Variants in APBB2 observed in about 807,000 individuals in gnomAD.
The protein encoded by APBB2 is Fe65-like 1.
APBB2 carries 38 observed loss-of-function variants against 82.5 expected under a neutral mutation model. The ratio of observed to expected loss-of-function variants is 0.46; its 90% confidence interval spans 0.36 to 0.60. The LOEUF is 0.60. APBB2 is among the 20% of genes least tolerant of loss of function. APBB2 has a pLI of 0.00. For missense variants in APBB2, 772 were observed against 972.3 expected (o/e 0.79, Z 2.74); for synonymous variants, 341 against 368.2 (o/e 0.93, Z 0.85).
intron 12 of APBB2, among the ~76,000 whole-genome samples, chr4:40,882,350 T>G (rs1260296803): frequency 6.6e-6 from 1 of 152,076 alleles, no homozygotes; most frequent in African/African-American, 2.4e-5. Flanking sequence ...GAAGAGACAT[T>G]GTTGGCTGCT....
chr4:40,878,253 A>G (rs1767429522), intron 12 of APBB2, among the ~76,000 whole-genome samples: 1 of 152,168 alleles, frequency 6.6e-6, no homozygotes, highest in East Asian at 1.9e-4. Flanking sequence ...AGGCTGAGGC[A>G]TGAGAATCAC....
At chr4:40,893,187 T>C (rs1560814504) in intron 11 of APBB2, 78 bp downstream of exon 11, 1 of 1,551,076 alleles carries the variant, frequency 6.4e-7, no homozygotes, top group Middle Eastern at 1.7e-4. Flanking sequence ...CAGTACCATG[T>C]GTCACTGAGC....
intron 1 of APBB2, among the ~76,000 whole-genome samples, chr4:41,180,895 T>TC (rs998279740): frequency 2.0e-4 from 30 of 152,154 alleles, no homozygotes; most frequent in African/African-American, 7.2e-4. Flanking sequence ...CTTCCTTTTT[T>TC]CCCTCTGTGA....
intron 7 of APBB2, among the ~76,000 whole-genome samples, chr4:40,939,767 G>A (rs139487649): frequency 1.7e-4 from 26 of 152,128 alleles, no homozygotes; most frequent in East Asian, 1.4e-3. Context: ...GCTAAATTTT[G>A]TATTTTTAGT....
intron 16 of APBB2, chr4:40,822,293 A>AT: frequency 2.1e-6 from 1 of 485,994 alleles, no homozygotes; most frequent in South Asian, 2.6e-5. Context: ...TGTGGGTCCC[A>AT]TTCTCCATTA....
At chr4:40,985,645 C>G (rs1178954780) in intron 6 of APBB2, among the ~76,000 whole-genome samples, 2 of 152,090 alleles carry the variant, frequency 1.3e-5, no homozygotes, top group Admixed American at 1.3e-4. Flanking sequence ...AAACAAAAAC[C>G]AGGTCCATTT....
chr4:40,902,386 A>G (rs922668064), intron 10 of APBB2, among the ~76,000 whole-genome samples: 1 of 152,196 alleles, frequency 6.6e-6, no homozygotes, highest in African/African-American at 2.4e-5. Flanking sequence ...ATAGGAAATG[A>G]TCAGGAATTT....
At chr4:40,964,757 C>CACACACACACACAT (rs1406447298) in intron 6 of APBB2, among the ~76,000 whole-genome samples, 1 of 151,682 alleles carries the variant, frequency 6.6e-6, no homozygotes, top group Non-Finnish European at 1.5e-5. Context: ...TGAATAAACA[C>CACACACACACACAT]ACACACACAC....
intron 5 of APBB2, among the ~76,000 whole-genome samples, chr4:41,016,332 T>A (rs1211558928): frequency 6.6e-6 from 1 of 152,236 alleles, no homozygotes; most frequent in African/African-American, 2.4e-5. Context: ...TTTTAATATA[T>A]AAATAACTTT....
intron 16 of APBB2, 24 bp from the exon 17 acceptor site, chr4:40,822,074 C>G: frequency 1.2e-6 from 2 of 1,612,350 alleles, no homozygotes; most frequent in Non-Finnish European, 8.5e-7. Context: ...TATGCGGCAT[C>G]CAATCAGGAG....
At chr4:41,131,222 T>C (rs1008052159) in intron 2 of APBB2, among the ~76,000 whole-genome samples, 2 of 152,168 alleles carry the variant, frequency 1.3e-5, no homozygotes, top group Non-Finnish European at 2.9e-5. Flanking sequence ...GTGCCCTTTT[T>C]CTCCACTCTA....
intron 2 of APBB2, among the ~76,000 whole-genome samples, chr4:41,114,720 C>A (rs1240392338): frequency 6.6e-6 from 1 of 152,134 alleles, no homozygotes; most frequent in Non-Finnish European, 1.5e-5. Flanking sequence ...CTCCCATTCA[C>A]AACTGCTACA....
At chr4:41,119,522 T>TAA (rs35952366) in intron 2 of APBB2, among the ~76,000 whole-genome samples, 167 of 118,014 alleles carry the variant, frequency 1.4e-3, no homozygotes, top group East Asian at 7.8e-3. Context: ...GAAGTTCCAT[T>TAA]AAAAAAAAAA....
rs1776350139 is a variant in APBB2, at chr4:41,200,144, T to C, written c.-417+14261A>G. Among the ~76,000 whole-genome samples, 7 of 152,328 alleles carry C rather than the reference T, an allele frequency of 4.6e-5. No homozygotes were observed. The South Asian group carries it at 1.5e-3, about 32-fold the overall frequency. ...ACATGGTGAAAAGCACCACGTAAGTTCCTTAACTCACTTTAAATACCAAAA... is the reference window on the plus strand; with the variant it reads ...ACATGGTGAAAAGCACCACGTAAGTCCCTTAACTCACTTTAAATACCAAAA... On this transcript the variant is annotated intron_variant, in intron 1 of 17. Transcript: ENST00000508593.
At chr4:41,054,815 A>T (rs1480854898) in intron 4 of APBB2, among the ~76,000 whole-genome samples, 1 of 151,864 alleles carries the variant, frequency 6.6e-6, no homozygotes, top group African/African-American at 2.4e-5. Context: ...CAGGCAGAAA[A>T]GCCATGGAAA....
intron 7 of APBB2, among the ~76,000 whole-genome samples, chr4:40,937,373 G>A (rs1166230457): frequency 6.6e-6 from 1 of 152,276 alleles, no homozygotes; most frequent in South Asian, 2.1e-4. Context: ...AGTTCTCTGC[G>A]TGTGTGTGGT....
intron 4 of APBB2, among the ~76,000 whole-genome samples, chr4:41,063,054 T>G (rs1168748009): frequency 1.3e-5 from 2 of 152,222 alleles, no homozygotes; most frequent in Non-Finnish European, 2.9e-5. Flanking sequence ...TGTTAGCATT[T>G]TAACCACTGT....
intron 15 of APBB2, chr4:40,825,683 T>C: frequency 1.8e-6 from 1 of 552,848 alleles, no homozygotes; most frequent in Non-Finnish European, 3.3e-6. Flanking sequence ...ATGCTGGGGA[T>C]GACAGGTCAA....
intron 2 of APBB2, among the ~76,000 whole-genome samples, chr4:41,121,640 C>A (rs1422931923): frequency 6.6e-6 from 1 of 152,208 alleles, no homozygotes; most frequent in Non-Finnish European, 1.5e-5. Flanking sequence ...CATTTAACAA[C>A]AGGCTGTCTT....
Sources: allele counts gnomAD v4.1 joint callset (sites outside exome capture counted in the v4.1 genomes callset), GRCh38; gene constraint gnomAD v4.1.1; transcripts MANE v1.5; gene names NCBI Gene and HGNC (gene_info 2026-07-23, HGNC 2026-07-21).